RELN: variants seen among roughly 807,000 people sequenced by gnomAD.
RELN encodes the protein reelin.
Under a neutral mutation model 427.6 loss-of-function variants are expected in RELN, and 108 were observed. That is an observed-to-expected ratio of 0.25 (90% confidence interval 0.22 to 0.30). The LOEUF (loss-of-function observed/expected upper bound fraction) is 0.30, where lower values mean the gene tolerates loss of function less well. RELN is among the 10% of genes least tolerant of loss of function. The pLI is 1.00. For synonymous variants in RELN, 1,524 were observed against 1,513.4 expected, an observed-to-expected ratio of 1.01 and a Z score of -0.16; for missense variants, 3,715 against 4,302.8, an observed-to-expected ratio of 0.86 and a Z score of 3.82.
chr7:103,727,903 G>T (rs1790253658), intron 7 of RELN, among the ~76,000 whole-genome samples: 1 of 149,488 alleles, frequency 6.7e-6, no homozygotes, highest in Admixed American at 6.7e-5. Flanking sequence ...ATCCATTGAT[G>T]CTGACAATTT....
chr7:103,909,754 TTA>T lies in RELN; in HGVS notation c.337+7319_337+7320del, dbSNP rs1441792251. 4.4e-4 allele frequency among the ~76,000 whole-genome samples: 27 copies of T among 61,332 alleles called. 2 individuals are homozygous for T. The highest frequency in any genetic ancestry group is 3.9e-3 in the Admixed American group (16 of 4,148). The allele number at this position is 61,332 out of a possible 152,430, so 40.2% of individuals were successfully genotyped here. On this transcript the variant is annotated intron_variant, in intron 2 of 64. Transcript: ENST00000428762. Reference sequence around the variant, plus strand: ...TTTTTAATATATATAAATATATATATTAAATATATATATTTAATATATATAAA... The same window carrying T: ...TTTTTAATATATATAAATATATATATAATATATATATTTAATATATATAAA...
chr7:103,975,939 C>G (rs1796870640), intron 1 of RELN, among the ~76,000 whole-genome samples: 2 of 152,024 alleles, frequency 1.3e-5, no homozygotes, highest in Non-Finnish European at 2.9e-5. Flanking sequence ...GACAGGCATA[C>G]AAGGCCATCT....
chr7:103,493,676 A>T (rs1047400972), intron 57 of RELN, among the ~76,000 whole-genome samples: 1 of 152,184 alleles, frequency 6.6e-6, no homozygotes, highest in African/African-American at 2.4e-5. Flanking sequence ...GAGAAAAGCC[A>T]TAAGAAGATA....
chr7:103,651,921 T>C, intron 14 of RELN, 132 bp from the exon 15 acceptor site: 1 of 908,820 alleles, frequency 1.1e-6, no homozygotes, highest in East Asian at 2.8e-5. Flanking sequence ...AGATGCTGTT[T>C]CCTAAATGAT....
At chr7:103,711,601 A>G (rs1206490949) in intron 8 of RELN, among the ~76,000 whole-genome samples, 3 of 152,212 alleles carry the variant, frequency 2.0e-5, no homozygotes, top group Non-Finnish European at 4.4e-5. Flanking sequence ...GAAATGAATC[A>G]CAGTACAACT....
chr7:103,661,283 C>A, intron 12 of RELN, 93 bp downstream of exon 12: 1 of 1,333,376 alleles, frequency 7.5e-7, no homozygotes, highest in Non-Finnish European at 1.1e-6. Flanking sequence ...TTTCATTTTA[C>A]GTAGTTGACA....
At chr7:103,664,275 A>C (rs1486002998) in intron 11 of RELN, among the ~76,000 whole-genome samples, 1 of 152,222 alleles carries the variant, frequency 6.6e-6, no homozygotes, top group Non-Finnish European at 1.5e-5. Flanking sequence ...GCTATATAAA[A>C]GGTCCTTGTG....
chr7:103,769,532 T>C (rs1213531745), intron 4 of RELN, among the ~76,000 whole-genome samples: 1 of 152,128 alleles, frequency 6.6e-6, no homozygotes, highest in Non-Finnish European at 1.5e-5. Flanking sequence ...ACCGAGTCTG[T>C]GGCACTCTGT....
At chr7:103,959,772 G>C (rs1796509354) in intron 1 of RELN, among the ~76,000 whole-genome samples, 1 of 151,906 alleles carries the variant, frequency 6.6e-6, no homozygotes, top group South Asian at 2.1e-4. Context: ...ACCACACTTG[G>C]CTAATTTTTT....
chr7:103,746,506 G>T (rs899781258), intron 6 of RELN, among the ~76,000 whole-genome samples: 3 of 151,824 alleles, frequency 2.0e-5, no homozygotes, highest in African/African-American at 7.3e-5. Context: ...GAAAATTTTT[G>T]CAACCTACTC....
chr7:103,544,553 T>C (rs1830248286), intron 42 of RELN, among the ~76,000 whole-genome samples: 2 of 152,216 alleles, frequency 1.3e-5, no homozygotes, highest in East Asian at 3.8e-4. Flanking sequence ...CCCACTACCC[T>C]AATATAGATG....
At chr7:103,842,898 C>A (rs913430595) in intron 2 of RELN, among the ~76,000 whole-genome samples, 1 of 152,164 alleles carries the variant, frequency 6.6e-6, no homozygotes, top group African/African-American at 2.4e-5. Flanking sequence ...GCTGCCTCCC[C>A]ATTCCTCTCC....
chr7:103,875,682 T>C (rs1333352505), intron 2 of RELN, among the ~76,000 whole-genome samples: 1 of 152,212 alleles, frequency 6.6e-6, no homozygotes, highest in African/African-American at 2.4e-5. Context: ...AAAGAAAATA[T>C]ACATAAGACT....
At chr7:103,637,845 C>G (rs1832616074) in intron 17 of RELN, among the ~76,000 whole-genome samples, 1 of 152,098 alleles carries the variant, frequency 6.6e-6, no homozygotes, top group Non-Finnish European at 1.5e-5. Context: ...ATTAATTTTC[C>G]TTAGCAAGAC....
At chr7:103,954,099 T>TAA (rs1002850691) in intron 1 of RELN, among the ~76,000 whole-genome samples, 6 of 144,376 alleles carry the variant, frequency 4.2e-5, no homozygotes, top group African/African-American at 1.3e-4. Context: ...AAAATAAAAT[T>TAA]AAAAAAAAAA....
chr7:103,890,934 G>T (rs1794835345), intron 2 of RELN, among the ~76,000 whole-genome samples: 1 of 152,044 alleles, frequency 6.6e-6, no homozygotes, highest in South Asian at 2.1e-4. Context: ...AAATTAGCTG[G>T]GCATGGTGGT....
chr7:103,947,888 T>C (rs766801919), intron 1 of RELN, among the ~76,000 whole-genome samples: 3 of 152,244 alleles, frequency 2.0e-5, no homozygotes, highest in Non-Finnish European at 2.9e-5. Context: ...CCTCTGAAAT[T>C]TCTAACTTTT....
At chr7:103,796,899 GAAAGAAAAAGAA>G (rs1283654649) in intron 3 of RELN, among the ~76,000 whole-genome samples, 2,207 of 113,478 alleles carry the variant, frequency 0.019, 57 homozygotes, top group African/African-American at 0.057. Flanking sequence ...AAAAAAGAAA[GAAAGAAAAAGAA>G]AAAGAAAAAG....
intron 1 of RELN, among the ~76,000 whole-genome samples, chr7:103,987,002 C>T (rs1225152610): frequency 7.1e-6 from 1 of 141,688 alleles, no homozygotes; most frequent in Non-Finnish European, 1.5e-5. Context: ...TTTTCAAAAG[C>T]CTAAAAGGAA....
Sources: gnomAD v4.1 joint callset for allele counts (sites outside exome capture counted in the v4.1 genomes callset) on GRCh38, gnomAD v4.1.1 for gene constraint, MANE v1.5 for transcripts, NCBI Gene and HGNC (gene_info 2026-07-23, HGNC 2026-07-21) for gene names.